The following SHISA9 variants were observed in gnomAD, a reference collection of about 807,000 sequenced individuals.
SHISA9 encodes shisa family member 9, also known as protein shisa-9.
Under a neutral mutation model 38.0 loss-of-function variants are expected in SHISA9, and 13 were observed. That is an observed-to-expected ratio of 0.34 (90% CI 0.22 to 0.54). SHISA9 has a LOEUF of 0.54. Ranked by LOEUF, SHISA9 falls within the 20% of genes least tolerant of loss-of-function variation. SHISA9 has a pLI of 0.91. For synonymous variants in SHISA9, 275 were observed against 242.0 expected, an observed-to-expected ratio of 1.14 and a Z score of -1.27; for missense variants, 538 against 575.8, an observed-to-expected ratio of 0.93 and a Z score of 0.67.
chr16:13,097,661 C>T (rs1314775430), intron 2 of SHISA9, among the ~76,000 whole-genome samples: 1 of 152,144 alleles, frequency 6.6e-6, no homozygotes, highest in Non-Finnish European at 1.5e-5. Context: ...GCCTTGGCCT[C>T]CCAAAGTGCT....
chr16:13,049,170 G>C (rs71388736), intron 2 of SHISA9, among the ~76,000 whole-genome samples: 66,985 of 139,878 alleles, frequency 0.48, 14,684 homozygotes, highest in Middle Eastern at 0.56. Flanking sequence ...GTGTGTGTGT[G>C]TGTGTGTGTG....
chr16:13,087,128 G>A (rs540626531), intron 2 of SHISA9, among the ~76,000 whole-genome samples: 40 of 144,888 alleles, frequency 2.8e-4, no homozygotes, highest in African/African-American at 8.9e-4. Flanking sequence ...CCATGTCCCC[G>A]CAAAGGACAT....
chr16:13,170,051 A>G (rs932154639), intron 2 of SHISA9, among the ~76,000 whole-genome samples: 7 of 151,980 alleles, frequency 4.6e-5, no homozygotes, highest in Non-Finnish European at 1.0e-4. Flanking sequence ...AAAAATATAA[A>G]AATTAGCCAA....
intron 2 of SHISA9, among the ~76,000 whole-genome samples, chr16:13,155,548 G>T (rs2050536627): frequency 6.6e-6 from 1 of 152,046 alleles, no homozygotes; most frequent in Admixed American, 6.6e-5. Context: ...CTCTGCAGGG[G>T]ATGGCCTCTG....
chr16:13,070,442 T>C (rs2073500071), intron 2 of SHISA9, among the ~76,000 whole-genome samples: 1 of 152,186 alleles, frequency 6.6e-6, no homozygotes, highest in African/African-American at 2.4e-5. Context: ...GGGCAGATTT[T>C]TTGGGTGATT....
intron 2 of SHISA9, among the ~76,000 whole-genome samples, chr16:13,190,058 G>T (rs1318597984): frequency 6.6e-6 from 1 of 150,782 alleles, no homozygotes; most frequent in Non-Finnish European, 1.5e-5. Context: ...AGTGGCTGCT[G>T]TGGGCATAAA....
intron 2 of SHISA9, among the ~76,000 whole-genome samples, chr16:13,097,833 T>C (rs2073842662): frequency 6.6e-6 from 1 of 152,182 alleles, no homozygotes; most frequent in African/African-American, 2.4e-5. Context: ...TAAAATGTCA[T>C]GATAGACAGC....
chr16:13,356,635 G>A, the SHISA9 span, among the ~76,000 whole-genome samples: 5 of 152,084 alleles, frequency 3.3e-5, no homozygotes, highest in Non-Finnish European at 5.9e-5. Flanking sequence ...GGGGAGGAAG[G>A]GAGGGGTCAG....
intron 2 of SHISA9, among the ~76,000 whole-genome samples, chr16:13,066,473 T>C (rs141808521): frequency 1.3e-5 from 2 of 152,326 alleles, no homozygotes; most frequent in South Asian, 4.1e-4. Context: ...TTTGTTGTTG[T>C]TGCTGATGTT....
chr16:13,203,523 A>G lies in SHISA9; in HGVS notation c.821A>G (p.Asn274Ser). The G allele has an allele frequency of 6.5e-7, 1 of 1,544,374 alleles. No homozygotes were observed. The change falls in exon 3 of 5, where the codon AAC becomes AGC. Residue 274 changes from asparagine to serine, a missense_variant. Asn to Ser is a conservative substitution (Grantham distance 46). Around this residue, in one of 4 missense-constraint regions of SHISA9, gnomAD observed 326 missense variants for 305.9 expected, o/e 1.07. Transcript: ENST00000558583. ...YEQQPPGKEL[N>S]KYASLKAVGS... Reference sequence around the variant, plus strand: ...CAGCAGCCACCAGGAAAAGAGCTCAACAAGTACGCCTCCTTAAAGGCAGTC... The same window carrying G: ...CAGCAGCCACCAGGAAAAGAGCTCAGCAAGTACGCCTCCTTAAAGGCAGTC...
At chr16:13,299,719 A>AAC in the SHISA9 span, among the ~76,000 whole-genome samples, 1 of 151,782 alleles carries the variant, frequency 6.6e-6, no homozygotes, top group Non-Finnish European at 1.5e-5. Context: ...TCAAAAAAAA[A>AAC]AAAAACAAAA....
intron 2 of SHISA9, among the ~76,000 whole-genome samples, chr16:13,021,943 T>C (rs1258859177): frequency 6.6e-6 from 1 of 152,188 alleles, no homozygotes; most frequent in African/African-American, 2.4e-5. Flanking sequence ...ATTTATTTTC[T>C]TACCAATTTG....
the SHISA9 span, among the ~76,000 whole-genome samples, chr16:13,561,879 A>T: frequency 6.6e-6 from 1 of 152,068 alleles, no homozygotes; most frequent in African/African-American, 2.4e-5. Context: ...GAAAAAAAAA[A>T]GCAAAAGACA....
At chr16:13,100,259 A>T (rs1197721013) in intron 2 of SHISA9, among the ~76,000 whole-genome samples, 1 of 152,244 alleles carries the variant, frequency 6.6e-6, no homozygotes, top group Non-Finnish European at 1.5e-5. Flanking sequence ...CCTTTTTGGC[A>T]AGCATACACC....
chr16:12,970,418 C>T (rs12918384), intron 2 of SHISA9, among the ~76,000 whole-genome samples: 633 of 9,452 alleles, frequency 0.067, 35 homozygotes, highest in South Asian at 0.17. Context: ...TATATATATA[C>T]ACATATATGT....
At chr16:13,105,278 T>C (rs1398930811) in intron 2 of SHISA9, among the ~76,000 whole-genome samples, 1 of 152,198 alleles carries the variant, frequency 6.6e-6, no homozygotes, top group African/African-American at 2.4e-5. Flanking sequence ...TTTCTGAATA[T>C]GTGGTGCATC....
the SHISA9 span, among the ~76,000 whole-genome samples, chr16:13,446,996 A>G: frequency 6.6e-6 from 1 of 151,914 alleles, no homozygotes; most frequent in African/African-American, 2.4e-5. Flanking sequence ...GAAAAAAAAA[A>G]AAGTGAAAGG....
the SHISA9 span, among the ~76,000 whole-genome samples, chr16:13,497,685 C>CAAAAAAAAAA: frequency 9.4e-6 from 1 of 106,370 alleles, no homozygotes; most frequent in African/African-American, 3.6e-5. Flanking sequence ...ACTCCGTCTC[C>CAAAAAAAAAA]AAAAAAAAAA....
At chr16:13,083,611 C>G (rs1249194167) in intron 2 of SHISA9, among the ~76,000 whole-genome samples, 1 of 152,174 alleles carries the variant, frequency 6.6e-6, no homozygotes, top group African/African-American at 2.4e-5. Context: ...AATTGCATCT[C>G]AGAGCTGGTT....
Sources: gnomAD v4.1 joint callset for allele counts (sites outside exome capture counted in the v4.1 genomes callset) on GRCh38, gnomAD v4.1.1 for gene constraint, gnomAD v4.1.1 regional missense constraint, MANE v1.5 for transcripts, NCBI Gene and HGNC (gene_info 2026-07-23, HGNC 2026-07-21) for gene names.